The following KHDRBS2 variants were observed in gnomAD, a reference collection of about 807,000 sequenced individuals.
KHDRBS2 encodes the protein KH RNA binding domain containing, signal transduction associated 2.
KHDRBS2 carries 26 observed loss-of-function variants against 44.3 expected under a neutral mutation model. That is an observed-to-expected ratio of 0.59 (90% CI 0.43 to 0.81). The LOEUF is 0.81. KHDRBS2 is among the 40% of genes least tolerant of loss of function. KHDRBS2 has a pLI of 0.00. For missense variants in KHDRBS2, 476 were observed against 433.1 expected (o/e 1.10, Z -0.88); for synonymous variants, 194 against 151.1 (o/e 1.28, Z -2.08).
At chr6:62,262,711 T>A (rs1481382395) in intron 1 of KHDRBS2, among the ~76,000 whole-genome samples, 1 of 151,700 alleles carries the variant, frequency 6.6e-6, no homozygotes, top group Non-Finnish European at 1.5e-5. Context: ...GATTCCTACA[T>A]CTAGCACAGT....
intron 2 of KHDRBS2, among the ~76,000 whole-genome samples, chr6:62,080,964 C>T (rs142793937): frequency 1.3e-4 from 20 of 152,210 alleles, no homozygotes; most frequent in African/African-American, 2.2e-4. Context: ...GGCCTAGGAA[C>T]GGTAAGGCTC....
intron 4 of KHDRBS2, among the ~76,000 whole-genome samples, chr6:61,951,288 T>A (rs1764685143): frequency 6.6e-6 from 1 of 152,006 alleles, no homozygotes; most frequent in Non-Finnish European, 1.5e-5. Context: ...AAAAAGGAAG[T>A]AAATTCTCTT....
chr6:61,961,359 T>A (rs762365576), intron 4 of KHDRBS2, among the ~76,000 whole-genome samples: 1 of 146,448 alleles, frequency 6.8e-6, no homozygotes, highest in African/African-American at 2.5e-5. Context: ...TAGAAGGTGA[T>A]GAGTGTGAAA....
At chr6:61,815,120 C>T (rs986060426) in intron 6 of KHDRBS2, among the ~76,000 whole-genome samples, 6 of 151,604 alleles carry the variant, frequency 4.0e-5, no homozygotes, top group African/African-American at 1.5e-4. Context: ...TATTTTCCAC[C>T]CCAGGTTGGT....
intron 6 of KHDRBS2, among the ~76,000 whole-genome samples, chr6:61,818,115 G>A (rs1221027573): frequency 1.3e-5 from 2 of 151,836 alleles, no homozygotes; most frequent in African/African-American, 4.8e-5. Context: ...TATTCAACTT[G>A]CCAAGATAAT....
chr6:61,782,106 T>G (rs1419171189), intron 6 of KHDRBS2, among the ~76,000 whole-genome samples: 2 of 152,230 alleles, frequency 1.3e-5, no homozygotes, highest in East Asian at 3.9e-4. Flanking sequence ...GGCAACTAAT[T>G]GTGTTGATTG....
intron 2 of KHDRBS2, among the ~76,000 whole-genome samples, chr6:62,102,570 C>T (rs762195140): frequency 2.0e-4 from 31 of 152,276 alleles, no homozygotes; most frequent in Non-Finnish European, 4.0e-4. Context: ...ATGTGTGTTT[C>T]GGCCCGTTTC....
At chr6:61,871,544 GAC>G (rs573213965) in intron 6 of KHDRBS2, among the ~76,000 whole-genome samples, 115 of 152,232 alleles carry the variant, frequency 7.6e-4, no homozygotes, top group African/African-American at 2.7e-3. Flanking sequence ...GCAGCCACAA[GAC>G]ACATCATCAG....
chr6:62,153,847 G>A (rs1815770645), intron 2 of KHDRBS2, among the ~76,000 whole-genome samples: 2 of 152,114 alleles, frequency 1.3e-5, no homozygotes, highest in African/African-American at 4.8e-5. Context: ...TCCAGGCTTT[G>A]CCTAAAGCAT....
intron 7 of KHDRBS2, among the ~76,000 whole-genome samples, chr6:61,698,807 A>T (rs1028111331): frequency 4.6e-5 from 7 of 151,554 alleles, no homozygotes; most frequent in African/African-American, 1.7e-4. Context: ...GGGCTTTTTC[A>T]TTTGCTGTTT....
intron 2 of KHDRBS2, among the ~76,000 whole-genome samples, chr6:62,067,826 C>T (rs1391249861): frequency 3.3e-5 from 5 of 151,652 alleles, no homozygotes; most frequent in South Asian, 2.1e-4. Flanking sequence ...TATTTAAATA[C>T]GGTCGTACAA....
At chr6:61,831,916 T>C (rs1791883676) in intron 6 of KHDRBS2, among the ~76,000 whole-genome samples, 1 of 152,214 alleles carries the variant, frequency 6.6e-6, no homozygotes, top group African/African-American at 2.4e-5. Context: ...AGTCATTATA[T>C]GAGGTGAAGA....
chr6:61,609,498 T>C, the KHDRBS2 span, among the ~76,000 whole-genome samples: 1 of 152,236 alleles, frequency 6.6e-6, no homozygotes, highest in Non-Finnish European at 1.5e-5. Flanking sequence ...CTAGTGCATA[T>C]AATTTTCACA....
chr6:61,761,919 A>G (rs921882419), intron 6 of KHDRBS2, among the ~76,000 whole-genome samples: 5 of 152,206 alleles, frequency 3.3e-5, no homozygotes, highest in African/African-American at 1.2e-4. Flanking sequence ...TATTACTAAC[A>G]AAAATATCAG....
At chr6:62,082,474 G>A (rs12191420) in intron 2 of KHDRBS2, among the ~76,000 whole-genome samples, 3,158 of 152,170 alleles carry the variant, frequency 0.021, 39 homozygotes, top group Non-Finnish European at 0.036. Context: ...AGGCTGTCCA[G>A]TGGATACCCT....
At chr6:62,150,261 C>G (rs1318406510) in intron 2 of KHDRBS2, among the ~76,000 whole-genome samples, 1 of 150,408 alleles carries the variant, frequency 6.6e-6, no homozygotes, top group Non-Finnish European at 1.5e-5. Context: ...CACCATGTGG[C>G]TGGTGACAGT....
chr6:62,161,303 T>G (rs1431941569), intron 2 of KHDRBS2, among the ~76,000 whole-genome samples: 1 of 151,802 alleles, frequency 6.6e-6, no homozygotes, highest in Non-Finnish European at 1.5e-5. Context: ...GCCCTGCATA[T>G]TCACAATTCC....
intron 1 of KHDRBS2, among the ~76,000 whole-genome samples, chr6:62,281,424 A>G (rs1183490535): frequency 6.6e-6 from 1 of 152,102 alleles, no homozygotes; most frequent in Admixed American, 6.5e-5. Flanking sequence ...GTTTGAGACC[A>G]GCCTGGCCAA....
the KHDRBS2 span, among the ~76,000 whole-genome samples, chr6:61,666,512 G>T: frequency 6.6e-6 from 1 of 151,358 alleles, no homozygotes; most frequent in East Asian, 2.0e-4. Context: ...TAATACAAAA[G>T]TGCATTTCCT....
Sources: allele counts gnomAD v4.1 joint callset (sites outside exome capture counted in the v4.1 genomes callset), GRCh38; gene constraint gnomAD v4.1.1; transcripts MANE v1.5; gene names NCBI Gene and HGNC (gene_info 2026-07-23, HGNC 2026-07-21).